Variants in MTHFD1L observed in about 807,000 individuals in gnomAD.
MTHFD1L encodes the protein methylenetetrahydrofolate dehydrogenase (NADP+ dependent) 1 like, also known as monofunctional C1-tetrahydrofolate synthase, mitochondrial.
In MTHFD1L, 81 loss-of-function variants were observed where a neutral mutation model predicts 119.5. The observed-to-expected ratio is 0.68, with a 90% confidence interval of 0.57 to 0.82. The LOEUF (loss-of-function observed/expected upper bound fraction) is 0.82, where lower values mean the gene tolerates loss of function less well. Among genes scored for constraint, MTHFD1L ranks in the 40% least tolerant of loss-of-function variants. The pLI is 0.00. For synonymous variants in MTHFD1L, 430 were observed against 475.2 expected (o/e 0.90, Z 1.24); for missense variants, 1,125 against 1,253.4 (o/e 0.90, Z 1.55).
Position 151,089,496 on chromosome 6 carries a change from G to A in MTHFD1L, c.2848-2971G>A, listed in dbSNP as rs1237835577. On this transcript the variant is annotated intron_variant, in intron 26 of 27. Coordinates refer to ENST00000367321, the MANE Select transcript of MTHFD1L (RefSeq NM_015440.5). ...CAGGTGCCTATAATCCCAGCTACTC[G>A]GGAGGCCGAAGCAGGAGAATCGCTT... is the stretch of plus-strand genomic sequence containing the variant. Among the ~76,000 whole-genome samples the A allele has an allele frequency of 2.6e-5, 4 of 152,156 alleles. No homozygotes were observed. In the East Asian group the frequency reaches 5.8e-4, roughly 22 times the overall value.
chr6:151,065,810 G>A (rs939954045), intron 26 of MTHFD1L, among the ~76,000 whole-genome samples: 1 of 152,202 alleles, frequency 6.6e-6, no homozygotes, highest in Admixed American at 6.5e-5. Context: ...TGCGGTGGCC[G>A]CCATGACCAC....
At chr6:151,032,958 A>G (rs1037373782) in intron 24 of MTHFD1L, among the ~76,000 whole-genome samples, 1 of 152,204 alleles carries the variant, frequency 6.6e-6, no homozygotes, top group African/African-American at 2.4e-5. Context: ...CTCTTGTATC[A>G]ATAGTATTTC....
intron 12 of MTHFD1L, among the ~76,000 whole-genome samples, chr6:150,937,586 G>A (rs554097148): frequency 2.7e-4 from 41 of 152,236 alleles, no homozygotes; most frequent in African/African-American, 8.9e-4. Flanking sequence ...TATTAATAAC[G>A]TATCTCATAA....
intron 13 of MTHFD1L, 113 bp downstream of exon 13, chr6:150,938,858 T>A: frequency 7.7e-7 from 1 of 1,306,178 alleles, no homozygotes; most frequent in African/African-American, 1.5e-5. Flanking sequence ...CCAAAGTCAT[T>A]AAGGCTCTGA....
intron 26 of MTHFD1L, among the ~76,000 whole-genome samples, chr6:151,065,898 G>A (rs1001353541): frequency 1.3e-5 from 2 of 152,208 alleles, no homozygotes; most frequent in African/African-American, 4.8e-5. Context: ...TAGAGTAGAA[G>A]AACTAAATGT....
chr6:151,041,573 A>G (rs1268047354), intron 26 of MTHFD1L, among the ~76,000 whole-genome samples: 2 of 152,198 alleles, frequency 1.3e-5, no homozygotes, highest in Admixed American at 1.3e-4. Flanking sequence ...AAAGCCTCCC[A>G]TTCTCCTGCA....
intron 26 of MTHFD1L, among the ~76,000 whole-genome samples, chr6:151,069,898 A>G (rs924727480): frequency 6.6e-6 from 1 of 152,222 alleles, no homozygotes; most frequent in Non-Finnish European, 1.5e-5. Context: ...ATGTTTTTCT[A>G]TTTCAGCACA....
At chr6:151,009,349 A>G (rs1781893143) in intron 20 of MTHFD1L, among the ~76,000 whole-genome samples, 1 of 152,060 alleles carries the variant, frequency 6.6e-6, no homozygotes. Flanking sequence ...TCTGGCCAAC[A>G]TGGTGAAACC....
intron 7 of MTHFD1L, among the ~76,000 whole-genome samples, chr6:150,892,475 A>T (rs1783469656): frequency 6.6e-6 from 1 of 152,116 alleles, no homozygotes; most frequent in South Asian, 2.1e-4. Flanking sequence ...TTCATAGTTG[A>T]TGTTGCACAC....
intron 26 of MTHFD1L, among the ~76,000 whole-genome samples, chr6:151,051,609 T>C (rs1010684840): frequency 6.6e-6 from 1 of 152,118 alleles, no homozygotes; most frequent in African/African-American, 2.4e-5. Context: ...ATGCTGAGCA[T>C]TGAGACACAT....
chr6:150,972,628 A>G (rs544635420), intron 20 of MTHFD1L, among the ~76,000 whole-genome samples: 5 of 152,340 alleles, frequency 3.3e-5, no homozygotes, highest in Non-Finnish European at 2.9e-5. Flanking sequence ...AATTAAAATT[A>G]AAACAACCAG....
rs369212262 is a variant in MTHFD1L at position 151,050,350 on chromosome 6, C to T, written c.2847+13233C>T. Among the ~76,000 whole-genome samples the T allele has an allele frequency of 2.1e-4, 32 of 152,134 alleles. No individual in the cohort carries two copies. In the South Asian group the frequency reaches 6.2e-3, roughly 30 times the overall value. On this transcript the variant is annotated intron_variant, in intron 26 of 27. Coordinates refer to ENST00000367321, the MANE Select transcript of MTHFD1L (RefSeq NM_015440.5). ...GCTAGTTTTTGTATTTTTGTAGAGA[C>T]GGGGTTTCACCATGTTGGCCAGGCT...
At chr6:151,013,900 C>A in intron 22 of MTHFD1L, 80 bp downstream of exon 22, 3 of 1,194,192 alleles carry the variant, frequency 2.5e-6, no homozygotes, top group African/African-American at 1.5e-5. Context: ...ATGAGCCCTC[C>A]TTCAGTGGCC....
At position 150,955,041 on chromosome 6, in the gene MTHFD1L, T is replaced by C. The variant is rs1795416088; in HGVS notation, c.1727-954T>C. ...TTTTAAAATTGTGGTAAAATATACA[T>C]AACGAAATATTTTTCCCCATTTGTA... On this transcript the variant is annotated intron_variant, in intron 16 of 27. Transcript: ENST00000367321. Among the ~76,000 whole-genome samples the C allele has an allele frequency of 2.0e-5, 3 of 150,296 alleles. No individual in the cohort carries two copies. The South Asian group carries it at 6.4e-4, about 32-fold the overall frequency.
intron 26 of MTHFD1L, among the ~76,000 whole-genome samples, chr6:151,090,928 G>A (rs1794337585): frequency 7.6e-6 from 1 of 131,724 alleles, no homozygotes; most frequent in South Asian, 2.5e-4. Context: ...CGTTCCATGC[G>A]ACTGGGTGCA....
chr6:151,016,288 C>T (rs1169708130), intron 24 of MTHFD1L, among the ~76,000 whole-genome samples: 1 of 151,950 alleles, frequency 6.6e-6, no homozygotes, highest in Non-Finnish European at 1.5e-5. Context: ...AGAGCAATTT[C>T]GTGAGGATTG....
At chr6:150,922,161 G>C in intron 9 of MTHFD1L, 44 bp from the exon 10 acceptor site, 1 of 1,440,868 alleles carries the variant, frequency 6.9e-7, no homozygotes. Flanking sequence ...TGCCCTGTCA[G>C]CTTTTACCAT....
At chr6:150,909,048 T>C (rs1786414400) in intron 8 of MTHFD1L, among the ~76,000 whole-genome samples, 1 of 152,046 alleles carries the variant, frequency 6.6e-6, no homozygotes, top group Admixed American at 6.5e-5. Context: ...GATGGGATGT[T>C]GTGATTTATG....
In MTHFD1L at chr6:151,014,951, TC is replaced by T; in HGVS notation, c.2382del (p.Val795LeufsTer5). 6.2e-7 allele frequency: 1 copy of T among 1,614,124 alleles called. No individual in the cohort carries two copies. Among genetic ancestry groups the T allele is most frequent in the Non-Finnish European group, 8.5e-7 (1 of 1,180,002 alleles). On this transcript the variant is annotated frameshift_variant, in exon 23 of 28. Coordinates refer to ENST00000367321, the MANE Select transcript of MTHFD1L (RefSeq NM_015440.5). LOFTEE classifies it high-confidence loss of function. The stretch of plus-strand genomic sequence containing the variant: ...TTCAGATCACTCAGCTCTTTGGGGT[TC>T]CCGTTGTGGTGGCTCTGAATGTCTT... Reference protein sequence around the residue: ...QIQITQLFGVPVVVALNVFKT... With the variant: ...QIQITQLFGVXVVVALNVFKT...
Sources: gnomAD v4.1 joint callset for allele counts (sites outside exome capture counted in the v4.1 genomes callset) on GRCh38, gnomAD v4.1.1 for gene constraint, MANE v1.5 for transcripts, NCBI Gene and HGNC (gene_info 2026-07-23, HGNC 2026-07-21) for gene names.